The following IL16 variants were observed in gnomAD, a reference collection of about 807,000 sequenced individuals.
The protein encoded by IL16 is pro-interleukin-16.
A neutral mutation model predicts 110.1 loss-of-function variants in IL16; 67 were observed. That is an observed-to-expected ratio of 0.61 (90% CI 0.50 to 0.75). IL16 has a LOEUF of 0.75. Ranked by LOEUF, IL16 falls within the 30% of genes least tolerant of loss-of-function variation. The probability of loss-of-function intolerance (pLI) is 0.00; values close to 1 mark genes in which losing one functional copy is unlikely to be tolerated. For synonymous variants in IL16, 689 were observed against 662.9 expected, an observed-to-expected ratio of 1.04 and a Z score of -0.61; for missense variants, 1,545 against 1,655.0, an observed-to-expected ratio of 0.93 and a Z score of 1.15.
chr15:81,238,520 G>A (rs1458382741), intron 2 of IL16, among the ~76,000 whole-genome samples: 1 of 152,078 alleles, frequency 6.6e-6, no homozygotes, highest in African/African-American at 2.4e-5. Context: ...GTAAAGTGTA[G>A]AAGTCTTACT....
At chr15:81,232,067 C>CTTTTTTTT (rs1188437602) in intron 2 of IL16, among the ~76,000 whole-genome samples, 2 of 54,326 alleles carry the variant, frequency 3.7e-5, no homozygotes, top group Admixed American at 2.1e-4. Flanking sequence ...TTTTTTTTTT[C>CTTTTTTTT]TTTTTTTTTT....
At chr15:81,194,996 A>G (rs767891986), upstream of IL16, among the ~76,000 whole-genome samples, 2 of 152,090 alleles carry the variant, frequency 1.3e-5, no homozygotes, top group African/African-American at 2.4e-5. Flanking sequence ...GAGCTGGACT[A>G]TGGAGTGTTG....
chr15:81,247,315 A>T (rs1208422063), intron 2 of IL16, among the ~76,000 whole-genome samples: 1 of 151,580 alleles, frequency 6.6e-6, no homozygotes, highest in Non-Finnish European at 1.5e-5. Context: ...TCCTGTAAGC[A>T]CTGTTTTATC....
At chr15:81,278,667 A>G (rs71399450) in intron 6 of IL16, 150 bp from the exon 7 acceptor site, 2 of 651,998 alleles carry the variant, frequency 3.1e-6, no homozygotes, top group African/African-American at 1.8e-5. Flanking sequence ...CTGCTTCGCA[A>G]GGGGAGAGCA....
intron 2 of IL16, among the ~76,000 whole-genome samples, chr15:81,235,247 A>G (rs1176288662): frequency 1.3e-5 from 2 of 152,168 alleles, no homozygotes; most frequent in Admixed American, 6.5e-5. Context: ...TAATTTTTAA[A>G]GAAAAGAGGT....
At chr15:81,295,517 C>A in intron 12 of IL16, 1 of 1,288,660 alleles carries the variant, frequency 7.8e-7, no homozygotes, top group Non-Finnish European at 1.0e-6. Flanking sequence ...GAGCTCCCAA[C>A]CAGGTGAAAT....
In IL16 at chr15:81,287,552, T is replaced by C. The variant is rs144165422; in HGVS notation, c.1332+1722T>C. Among the ~76,000 whole-genome samples, 921 of 152,322 alleles carry C rather than the reference T, an allele frequency of 6.0e-3. 3 individuals carry two copies. Among genetic ancestry groups the C allele is most frequent in the Middle Eastern group, 0.02 (6 of 294 alleles). ...ATGTGACCCACACAACTGCATTTAG[T>C]TGTTGTGCAGCCTCCTGAAATCAGT... On this transcript the variant is annotated intron_variant, in intron 10 of 18. Transcript: ENST00000683961.
At chr15:81,272,720 T>C (rs1429472808) in intron 5 of IL16, among the ~76,000 whole-genome samples, 2 of 152,204 alleles carry the variant, frequency 1.3e-5, no homozygotes, top group East Asian at 3.8e-4. Context: ...ATCATTATTA[T>C]TTTAAAAGGA....
At chr15:81,202,635 C>G (rs1226478150) in intron 1 of IL16, among the ~76,000 whole-genome samples, 2 of 152,120 alleles carry the variant, frequency 1.3e-5, no homozygotes, top group Non-Finnish European at 2.9e-5. Context: ...TCATCCATGT[C>G]CCTACAAAGG....
At chr15:81,261,053 G>C (rs560528091) in intron 3 of IL16, among the ~76,000 whole-genome samples, 2 of 152,050 alleles carry the variant, frequency 1.3e-5, no homozygotes, top group South Asian at 4.1e-4. Context: ...ATAAATATTT[G>C]CTTTACAGCA....
intron 2 of IL16, among the ~76,000 whole-genome samples, chr15:81,229,795 C>T (rs1227246125): frequency 6.6e-6 from 1 of 152,158 alleles, no homozygotes; most frequent in African/African-American, 2.4e-5. Context: ...GCCAGAGTGG[C>T]CCTGCACCCA....
Position 81,312,946 on chromosome 15 carries a change from G to A in IL16, c.*4148G>A. 1 of 183,956 alleles carries A rather than the reference G, an allele frequency of 5.4e-6. No individual in the cohort carries two copies. Among genetic ancestry groups the A allele is most frequent in the Non-Finnish European group, 1.1e-5 (1 of 87,850 alleles). The allele number at this position is 183,956 out of a possible 1,614,324, so 11.4% of individuals were successfully genotyped here. On this transcript the variant is annotated 3_prime_UTR_variant, in exon 19 of 19. Transcript: ENST00000683961. ...GCCTTGGTGCCAGAGTGCATCGCAT[G>A]GTGTCCAGGCCGAGTCTCTGTCAGA...
chr15:81,196,022 C>T (rs1049020337), upstream of IL16, among the ~76,000 whole-genome samples: 6 of 152,142 alleles, frequency 3.9e-5, no homozygotes, highest in African/African-American at 1.5e-4. Context: ...ACCAAAATCA[C>T]CTGGAGGCTT....
Position 81,196,995 on chromosome 15 carries a change from A to G in IL16, c.-259A>G. 2.3e-6 allele frequency: 3 copies of G among 1,283,550 alleles called. No individual in the cohort carries two copies. Among genetic ancestry groups the G allele is most frequent in the Non-Finnish European group, 3.0e-6 (3 of 987,208 alleles). 79.5% of individuals were successfully genotyped at this position (1,283,550 alleles called of 1,614,324 possible). ...AAGGCCGGCCTCCGTCTGAGAACTG[A>G]GCGTCCATTTCTCAATCCTTGCCGG... On this transcript the variant is annotated 5_prime_UTR_variant, in exon 1 of 19. Coordinates refer to ENST00000683961, the MANE Select transcript of IL16 (RefSeq NM_172217.5).
At chr15:81,237,742 T>C (rs970422315) in intron 2 of IL16, among the ~76,000 whole-genome samples, 1 of 152,272 alleles carries the variant, frequency 6.6e-6, no homozygotes, top group South Asian at 2.1e-4. Flanking sequence ...GTTCCACTTA[T>C]TTTTGATTAG....
chr15:81,184,382 C>A (rs1420751610), intron 1 of IL16, among the ~76,000 whole-genome samples: 1 of 152,168 alleles, frequency 6.6e-6, no homozygotes, highest in East Asian at 1.9e-4. Context: ...GAGACAGAAC[C>A]AGACAGATGG....
intron 1 of IL16, among the ~76,000 whole-genome samples, chr15:81,209,460 C>T (rs1395207363): frequency 1.3e-5 from 2 of 151,982 alleles, no homozygotes; most frequent in Non-Finnish European, 2.9e-5. Context: ...ACAGTGGAGT[C>T]AAGTCTGAGG....
chr15:81,309,959 A>G lies in IL16; in HGVS notation c.*1161A>G, dbSNP rs778708375. ...TTTCTTCTGTGATTCGGTGGAGACT[A>G]TCAGCCCAAGATGCTTTAAGTGCAC... On this transcript the variant is annotated 3_prime_UTR_variant, in exon 19 of 19. Coordinates refer to ENST00000683961, the MANE Select transcript of IL16 (RefSeq NM_172217.5). The G allele has an allele frequency of 3.9e-5, 6 of 152,242 alleles. No homozygotes were observed. Among genetic ancestry groups the G allele is most frequent in the Admixed American group, 2.6e-4 (4 of 15,282 alleles). The allele number at this position is 152,242 out of a possible 1,614,324, so 9.4% of individuals were successfully genotyped here.
chr15:81,204,187 T>C (rs1458911650), intron 1 of IL16, among the ~76,000 whole-genome samples: 1 of 152,228 alleles, frequency 6.6e-6, no homozygotes, highest in African/African-American at 2.4e-5. Context: ...CCTGAGACTT[T>C]GCTGAAGTTG....
Sources: gnomAD v4.1 joint callset for allele counts (sites outside exome capture counted in the v4.1 genomes callset) on GRCh38, gnomAD v4.1.1 for gene constraint, MANE v1.5 for transcripts, NCBI Gene and HGNC (gene_info 2026-07-23, HGNC 2026-07-21) for gene names.